SNX29: variants seen among roughly 807,000 people sequenced by gnomAD.
SNX29 encodes sorting nexin 29.
SNX29 carries 78 observed loss-of-function variants against 102.1 expected under a neutral mutation model. The observed-to-expected ratio is 0.76, with a 90% CI of 0.64 to 0.92. SNX29 has a LOEUF of 0.92. Among genes scored for constraint, SNX29 ranks in the 40% least tolerant of loss-of-function variants. The pLI is 0.00. For missense variants in SNX29, 1,280 were observed against 1,061.7 expected, an observed-to-expected ratio of 1.21 and a Z score of -2.86; for synonymous variants, 580 against 414.5, an observed-to-expected ratio of 1.40 and a Z score of -4.85.
chr16:12,130,194 A>G (rs2054399388), intron 13 of SNX29, among the ~76,000 whole-genome samples: 1 of 150,648 alleles, frequency 6.6e-6, no homozygotes, highest in Non-Finnish European at 1.5e-5. Flanking sequence ...AAAAAAAAAA[A>G]AGCCGGGCAT....
intron 14 of SNX29, among the ~76,000 whole-genome samples, chr16:12,203,010 G>A (rs569742545): frequency 6.7e-4 from 102 of 152,264 alleles, no homozygotes; most frequent in African/African-American, 2.4e-3. Context: ...TGGCATTGGA[G>A]GTGACAGCTC....
chr16:12,278,149 C>T (rs2079314686), intron 15 of SNX29, 113 bp downstream of exon 15: 2 of 816,910 alleles, frequency 2.4e-6, no homozygotes, highest in Admixed American at 2.3e-5. Context: ...CCAAGCAACT[C>T]CTCAGCCCCA....
At chr16:12,362,170 A>G (rs1054371858) in intron 16 of SNX29, among the ~76,000 whole-genome samples, 1 of 152,240 alleles carries the variant, frequency 6.6e-6, no homozygotes, top group African/African-American at 2.4e-5. Flanking sequence ...CAAAACCGTA[A>G]TGGATTTCCC....
At chr16:12,178,482 G>C (rs889017079) in intron 13 of SNX29, among the ~76,000 whole-genome samples, 1 of 152,178 alleles carries the variant, frequency 6.6e-6, no homozygotes, top group Non-Finnish European at 1.5e-5. Context: ...AACCAGCCTG[G>C]CTTTTGTCTT....
intron 11 of SNX29, among the ~76,000 whole-genome samples, chr16:12,108,990 C>T (rs950020884): frequency 4.0e-5 from 6 of 151,646 alleles, no homozygotes; most frequent in African/African-American, 1.5e-4. Flanking sequence ...TAGCTGGGTG[C>T]TGTGACAGGC....
chr16:12,050,765 G>T (rs1423611834), intron 7 of SNX29, among the ~76,000 whole-genome samples: 1 of 152,006 alleles, frequency 6.6e-6, no homozygotes, highest in Non-Finnish European at 1.5e-5. Context: ...AGACTGGAGT[G>T]CAATGGCGCA....
intron 1 of SNX29, among the ~76,000 whole-genome samples, chr16:11,989,177 T>C (rs1412972932): frequency 6.6e-6 from 1 of 152,202 alleles, no homozygotes; most frequent in Admixed American, 6.5e-5. Flanking sequence ...TTCACCATGT[T>C]GTTCAGGCTG....
intron 10 of SNX29, among the ~76,000 whole-genome samples, chr16:12,077,663 G>A (rs2051645227): frequency 1.3e-5 from 2 of 151,900 alleles, no homozygotes; most frequent in South Asian, 2.1e-4. Flanking sequence ...TCTTTTGCCC[G>A]GGGCTGGAGT....
intron 15 of SNX29, among the ~76,000 whole-genome samples, chr16:12,308,877 G>A (rs1265440731): frequency 1.3e-5 from 2 of 152,132 alleles, no homozygotes; most frequent in Admixed American, 6.5e-5. Flanking sequence ...CCGTTATATC[G>A]AAAAGTGCTA....
At chr16:12,126,457 A>G (rs576036370) in intron 11 of SNX29, among the ~76,000 whole-genome samples, 176 bp from the exon 12 acceptor site, 1 of 152,378 alleles carries the variant, frequency 6.6e-6, no homozygotes, top group South Asian at 2.1e-4. Context: ...CTGTGCTCTA[A>G]AATCCAGGAC....
At chr16:12,200,633 C>A (rs1412067488) in intron 14 of SNX29, among the ~76,000 whole-genome samples, 1 of 152,128 alleles carries the variant, frequency 6.6e-6, no homozygotes, top group East Asian at 1.9e-4. Flanking sequence ...CAGGTATCTG[C>A]CACCATGCCC....
At chr16:12,344,416 C>T (rs1240965993) in intron 15 of SNX29, among the ~76,000 whole-genome samples, 1 of 152,154 alleles carries the variant, frequency 6.6e-6, no homozygotes, top group Non-Finnish European at 1.5e-5. Flanking sequence ...TAGATGGAAC[C>T]ACTAGCTAGA....
At chr16:12,243,307 G>T (rs1180177479) in intron 14 of SNX29, among the ~76,000 whole-genome samples, 1 of 152,222 alleles carries the variant, frequency 6.6e-6, no homozygotes, top group East Asian at 1.9e-4. Context: ...CCCCTAGCCT[G>T]GACAGGTTTC....
chr16:12,545,620 T>TG (rs946866122), intron 20 of SNX29: 3 of 152,266 alleles, frequency 2.0e-5, no homozygotes, highest in African/African-American at 7.2e-5. Flanking sequence ...AGCAAGGGTC[T>TG]GGCTCTTTTC....
At chr16:12,023,732 C>T (rs1035393126) in intron 3 of SNX29, among the ~76,000 whole-genome samples, 4 of 152,104 alleles carry the variant, frequency 2.6e-5, no homozygotes, top group African/African-American at 9.7e-5. Context: ...CAGTGGAAAG[C>T]CTTAGTGTGA....
At chr16:12,393,817 T>C (rs746040698) in intron 16 of SNX29, among the ~76,000 whole-genome samples, 21 of 152,248 alleles carry the variant, frequency 1.4e-4, no homozygotes, top group Non-Finnish European at 2.8e-4. Flanking sequence ...TAGTAATTGT[T>C]CAGCACATGC....
chr16:12,471,705 T>G (rs1452040295), intron 18 of SNX29, among the ~76,000 whole-genome samples: 1 of 152,274 alleles, frequency 6.6e-6, no homozygotes, highest in Non-Finnish European at 1.5e-5. Context: ...GTTTTGTTTT[T>G]GCTTTTAAAT....
intron 16 of SNX29, among the ~76,000 whole-genome samples, chr16:12,365,616 G>C (rs1336636111): frequency 6.6e-6 from 1 of 151,590 alleles, no homozygotes; most frequent in Non-Finnish European, 1.5e-5. Context: ...CTTGAACCCG[G>C]GTGGCGGAGG....
At chr16:12,259,484 C>G (rs921960679) in intron 14 of SNX29, among the ~76,000 whole-genome samples, 1 of 152,140 alleles carries the variant, frequency 6.6e-6, no homozygotes, top group Non-Finnish European at 1.5e-5. Flanking sequence ...TCCTCCAGCC[C>G]GCAGCCCCCA....
Sources: gnomAD v4.1 joint callset for allele counts (sites outside exome capture counted in the v4.1 genomes callset) on GRCh38, gnomAD v4.1.1 for gene constraint, MANE v1.5 for transcripts, NCBI Gene and HGNC (gene_info 2026-07-23, HGNC 2026-07-21) for gene names.